The following CDYL variants were observed in gnomAD, a reference collection of about 807,000 sequenced individuals.
CDYL encodes chromodomain Y like, also known as chromodomain Y-like protein.
Under a neutral mutation model 47.3 loss-of-function variants are expected in CDYL, and 8 were observed. The ratio of observed to expected loss-of-function variants is 0.17; its 90% CI spans 0.10 to 0.31. The LOEUF (loss-of-function observed/expected upper bound fraction) is 0.31. CDYL is among the 10% of genes least tolerant of loss of function. The pLI, the probability that CDYL is intolerant of heterozygous loss-of-function variation, is 1.00. For synonymous variants in CDYL, 266 were observed against 265.0 expected, an observed-to-expected ratio of 1.00 and a Z score of -0.04; for missense variants, 471 against 701.4, an observed-to-expected ratio of 0.67 and a Z score of 3.71.
At chr6:4,717,274 C>T (rs1426145491) in intron 2 of CDYL, among the ~76,000 whole-genome samples, 1 of 152,194 alleles carries the variant, frequency 6.6e-6, no homozygotes, top group Non-Finnish European at 1.5e-5. Flanking sequence ...GTTCCGCCTA[C>T]TGGGATGCTT....
intron 2 of CDYL, among the ~76,000 whole-genome samples, chr6:4,915,793 A>G (rs997761836): frequency 1.3e-5 from 2 of 152,230 alleles, no homozygotes; most frequent in Non-Finnish European, 2.9e-5. Flanking sequence ...TCTTTTCCAG[A>G]GAGGCTGACA....
intron 1 of CDYL, among the ~76,000 whole-genome samples, chr6:4,839,086 A>G (rs938014923): frequency 4.6e-5 from 7 of 152,064 alleles, no homozygotes; most frequent in Admixed American, 6.5e-5. Context: ...ACCAACTTCT[A>G]TTATTTTTTG....
chr6:4,790,113 T>TTC (rs1254536111), intron 1 of CDYL, among the ~76,000 whole-genome samples: 1 of 152,240 alleles, frequency 6.6e-6, no homozygotes, highest in East Asian at 1.9e-4. Context: ...AGATTTGCTG[T>TTC]TCTCCTCAGT....
At chr6:4,740,180 G>A (rs1236536932) in intron 3 of CDYL, among the ~76,000 whole-genome samples, 3 of 152,188 alleles carry the variant, frequency 2.0e-5, no homozygotes, top group African/African-American at 7.2e-5. Context: ...GTGCTAAAAT[G>A]TACTTGCTTC....
chr6:4,932,321 C>T (rs767621599), intron 2 of CDYL, among the ~76,000 whole-genome samples: 4 of 152,198 alleles, frequency 2.6e-5, no homozygotes, highest in Non-Finnish European at 5.9e-5. Context: ...TCACAAATAG[C>T]ACCTTTCTGC....
At chr6:4,742,451 G>T (rs1757814208) in intron 3 of CDYL, among the ~76,000 whole-genome samples, 1 of 147,844 alleles carries the variant, frequency 6.8e-6, no homozygotes, top group South Asian at 2.1e-4. Flanking sequence ...TGCTGGAAAA[G>T]AAAAGAAAAA....
chr6:4,715,823 G>C, exon 2 of CDYL: 1 of 1,614,150 alleles, frequency 6.2e-7, no homozygotes, highest in African/African-American at 1.3e-5. Context: ...GAAAAAGCAG[G>C]AAGAAAAACT....
At chr6:4,720,784 A>C (rs1757352849) in intron 2 of CDYL, among the ~76,000 whole-genome samples, 1 of 152,202 alleles carries the variant, frequency 6.6e-6, no homozygotes, top group African/African-American at 2.4e-5. Context: ...CTCCTGCTGG[A>C]AAATAATATC....
intron 2 of CDYL, among the ~76,000 whole-genome samples, chr6:4,893,387 T>C (rs1246753806): frequency 1.3e-5 from 2 of 152,086 alleles, no homozygotes. Context: ...CCCTTCTGAG[T>C]TGTAGTCTTA....
At chr6:4,953,212 C>A (rs551243728) in intron 6 of CDYL, among the ~76,000 whole-genome samples, 1 of 151,734 alleles carries the variant, frequency 6.6e-6, no homozygotes, top group African/African-American at 2.4e-5. Flanking sequence ...GGCAAAACCC[C>A]GTCTGTACTA....
chr6:4,748,308 A>G (rs1757932164), intron 3 of CDYL, among the ~76,000 whole-genome samples: 1 of 152,144 alleles, frequency 6.6e-6, no homozygotes, highest in South Asian at 2.1e-4. Context: ...AGACTGCTTG[A>G]GGCCAGGAGT....
At chr6:4,938,114 A>G (rs1758253735) in intron 4 of CDYL, among the ~76,000 whole-genome samples, 1 of 152,220 alleles carries the variant, frequency 6.6e-6, no homozygotes, top group Admixed American at 6.5e-5. Context: ...CCCTAGATAA[A>G]GATCTCTTCC....
intron 4 of CDYL, among the ~76,000 whole-genome samples, chr6:4,938,279 T>A (rs1758261748): frequency 6.6e-6 from 1 of 152,054 alleles, no homozygotes; most frequent in South Asian, 2.1e-4. Context: ...ACATTCTTGT[T>A]CAGTTTCATC....
intron 1 of CDYL, among the ~76,000 whole-genome samples, chr6:4,853,497 T>TTC (rs1413725468): frequency 1.3e-5 from 2 of 152,096 alleles, no homozygotes; most frequent in Admixed American, 6.5e-5. Flanking sequence ...CTCCTTCTCC[T>TTC]TCTCATTCCC....
At chr6:4,903,107 A>T (rs1012766191) in intron 2 of CDYL, among the ~76,000 whole-genome samples, 3 of 152,162 alleles carry the variant, frequency 2.0e-5, no homozygotes, top group Admixed American at 6.5e-5. Flanking sequence ...TAAAAAGAAG[A>T]GTAAAAGGAA....
At chr6:4,875,448 G>C (rs1761594114) in intron 1 of CDYL, among the ~76,000 whole-genome samples, 1 of 152,020 alleles carries the variant, frequency 6.6e-6, no homozygotes, top group Non-Finnish European at 1.5e-5. Context: ...TTATAAATAT[G>C]GCATGTCGCC....
chr6:4,934,479 C>T (rs559001424), intron 2 of CDYL, among the ~76,000 whole-genome samples: 1 of 152,268 alleles, frequency 6.6e-6, no homozygotes, highest in African/African-American at 2.4e-5. Flanking sequence ...TTCTCTTTCA[C>T]TTTGGAGGAA....
intron 5 of CDYL, among the ~76,000 whole-genome samples, chr6:4,951,658 A>C (rs1758708560): frequency 6.6e-6 from 1 of 152,034 alleles, no homozygotes; most frequent in Non-Finnish European, 1.5e-5. Context: ...TTCGTATCCA[A>C]GCGATACAAG....
chr6:4,832,965 TTTTC>T (rs1204558512), intron 1 of CDYL, among the ~76,000 whole-genome samples: 1 of 152,080 alleles, frequency 6.6e-6, no homozygotes, highest in Admixed American at 6.5e-5. Context: ...ATTCTTCTTT[TTTTC>T]TTTATTAGTC....
Sources: gnomAD v4.1 joint callset for allele counts (sites outside exome capture counted in the v4.1 genomes callset) on GRCh38, gnomAD v4.1.1 for gene constraint, MANE v1.5 for transcripts, NCBI Gene and HGNC (gene_info 2026-07-23, HGNC 2026-07-21) for gene names.